The following PCLO variants were observed in gnomAD, a reference collection of about 807,000 sequenced individuals.
The protein encoded by PCLO is protein piccolo.
Under a neutral mutation model 427.5 loss-of-function variants are expected in PCLO, and 82 were observed. The ratio of observed to expected loss-of-function variants is 0.19; its 90% CI spans 0.16 to 0.23. PCLO has a LOEUF of 0.23. Among genes scored for constraint, PCLO ranks in the 10% least tolerant of loss-of-function variants. The pLI is 1.00. For missense variants in PCLO, 6,239 were observed against 6,115.9 expected (o/e 1.02, Z -0.67); for synonymous variants, 2,357 against 2,155.4 (o/e 1.09, Z -2.59).
At chr7:82,829,171 G>T (rs1469883971) in intron 16 of PCLO, among the ~76,000 whole-genome samples, 1 of 152,076 alleles carries the variant, frequency 6.6e-6, no homozygotes, top group African/African-American at 2.4e-5. Context: ...GGGCCTGCAG[G>T]CAAGTACTTT....
intron 3 of PCLO, among the ~76,000 whole-genome samples, chr7:82,972,210 G>A (rs774827238): frequency 6.6e-6 from 1 of 151,828 alleles, no homozygotes; most frequent in Non-Finnish European, 1.5e-5. Context: ...ATCAATTCAC[G>A]AGAGCTTGTT....
chr7:82,916,007 C>T lies in PCLO; in HGVS notation c.11979G>A (p.Thr3993=), dbSNP rs376827834. 8.6e-5 allele frequency: 139 copies of T among 1,612,502 alleles called. No homozygotes were observed. The highest frequency in any genetic ancestry group is 1.1e-4 in the Non-Finnish European group (135 of 1,179,766). ...NQPLMIAPVS[T]DNTFAVSHLG... ...GATGGGAAACAGCAAATGTGTTATC[C>T]GTAGAAACAGGTGCTATCATAAGGG... Residue 3993 remains threonine (T), a synonymous_variant, in exon 7 of 25, where the codon ACG becomes ACA. Transcript: ENST00000333891.
chr7:82,828,356 G>A (rs1792005291), intron 16 of PCLO, among the ~76,000 whole-genome samples: 1 of 151,974 alleles, frequency 6.6e-6, no homozygotes, highest in African/African-American at 2.4e-5. Context: ...ATACGGAAAA[G>A]CAAAACTAAA....
chr7:82,958,527 A>G (rs1795583914), intron 4 of PCLO, among the ~76,000 whole-genome samples: 1 of 152,208 alleles, frequency 6.6e-6, no homozygotes, highest in South Asian at 2.1e-4. Flanking sequence ...TCCTGAGCAT[A>G]TTACAGGGTA....
At chr7:82,850,034 G>C (rs146932815) in intron 10 of PCLO, among the ~76,000 whole-genome samples, 1 of 151,690 alleles carries the variant, frequency 6.6e-6, no homozygotes, top group Admixed American at 6.6e-5. Context: ...TTTGAGACAG[G>C]GTCTTGCACT....
At chr7:83,135,797 T>C (rs1309919219) in intron 2 of PCLO, 141 bp from the exon 3 acceptor site, 4 of 568,658 alleles carry the variant, frequency 7.0e-6, no homozygotes, top group Non-Finnish European at 1.2e-5. Flanking sequence ...TTTAATAAAT[T>C]GATATTAAAA....
At chr7:82,993,583 T>TA (rs1362931563) in intron 3 of PCLO, among the ~76,000 whole-genome samples, 1 of 151,896 alleles carries the variant, frequency 6.6e-6, no homozygotes, top group African/African-American at 2.4e-5. Context: ...TTTTTAGCAA[T>TA]AACGTCTTTT....
intron 8 of PCLO, among the ~76,000 whole-genome samples, chr7:82,906,003 G>GCA (rs1197171123): frequency 1.6e-5 from 2 of 127,492 alleles, no homozygotes; most frequent in Admixed American, 8.4e-5. Flanking sequence ...CAGAGGTTAA[G>GCA]CATATAGATA....
At chr7:83,154,673 T>G in intron 2 of PCLO, 75 bp downstream of exon 2, 1 of 1,043,582 alleles carries the variant, frequency 9.6e-7, no homozygotes, top group Non-Finnish European at 1.5e-6. Flanking sequence ...GTCATATATG[T>G]GTTTAGTTAA....
chr7:82,974,818 G>A (rs1795981399), intron 3 of PCLO, among the ~76,000 whole-genome samples: 1 of 151,718 alleles, frequency 6.6e-6, no homozygotes, highest in Admixed American at 6.6e-5. Flanking sequence ...TTGCTCTGTT[G>A]CCCAGGCTGG....
chr7:83,075,376 C>A (rs1439177056), intron 3 of PCLO, among the ~76,000 whole-genome samples: 1 of 152,100 alleles, frequency 6.6e-6, no homozygotes, highest in Non-Finnish European at 1.5e-5. Flanking sequence ...AGGCCTTGCT[C>A]AATTATAACA....
intron 3 of PCLO, among the ~76,000 whole-genome samples, chr7:83,051,023 T>C (rs1789240968): frequency 3.9e-5 from 6 of 152,076 alleles, no homozygotes; most frequent in Admixed American, 3.9e-4. Context: ...CAATCCGTGA[T>C]ACAAAACTCT....
At chr7:82,828,182 A>AC (rs1791996638) in intron 16 of PCLO, among the ~76,000 whole-genome samples, 1 of 151,056 alleles carries the variant, frequency 6.6e-6, no homozygotes, top group Non-Finnish European at 1.5e-5. Context: ...TGCCCTTATG[A>AC]TTTTTTTTTA....
chr7:82,887,416 T>C (rs1413573372), intron 9 of PCLO, among the ~76,000 whole-genome samples: 1 of 152,208 alleles, frequency 6.6e-6, no homozygotes, highest in Non-Finnish European at 1.5e-5. Context: ...TTTACATTTG[T>C]ATGCTTATGT....
chr7:82,967,412 TG>T (rs1795804598), intron 3 of PCLO, among the ~76,000 whole-genome samples: 1 of 152,008 alleles, frequency 6.6e-6, no homozygotes, highest in African/African-American at 2.4e-5. Flanking sequence ...CGACCTCAGG[TG>T]ATCCGCCCAC....
At chr7:82,979,324 AT>A (rs1414333719) in intron 3 of PCLO, among the ~76,000 whole-genome samples, 1 of 152,180 alleles carries the variant, frequency 6.6e-6, no homozygotes, top group Non-Finnish European at 1.5e-5. Flanking sequence ...ATGTCGTTAA[AT>A]TTGAAAACAT....
At chr7:83,063,547 A>G (rs1226230797) in intron 3 of PCLO, among the ~76,000 whole-genome samples, 2 of 152,226 alleles carry the variant, frequency 1.3e-5, no homozygotes, top group East Asian at 1.9e-4. Flanking sequence ...ATTTTGCCCA[A>G]TTCTAGGCTG....
intron 3 of PCLO, among the ~76,000 whole-genome samples, chr7:83,005,438 G>T (rs1041167543): frequency 6.6e-6 from 1 of 151,526 alleles, no homozygotes; most frequent in African/African-American, 2.4e-5. Context: ...GGGAGAGGTT[G>T]GTCAAAGGGT....
Position 82,953,241 on chromosome 7 carries a change from C to T in PCLO, c.7712G>A (p.Arg2571Lys), listed in dbSNP as rs1320551882. 6.2e-7 allele frequency: 1 copy of T among 1,613,862 alleles called. No homozygotes were observed. Among genetic ancestry groups the T allele is most frequent in the South Asian group, 1.1e-5 (1 of 91,072 alleles). ...AGTTTCTGTGAGGGATTTGGAAAATCTTGGTGAAGACTTGTTGGAGTGTGG... is the reference window on the plus strand; with the variant it reads ...AGTTTCTGTGAGGGATTTGGAAAATTTTGGTGAAGACTTGTTGGAGTGTGG... ...LSPHSNKSSP[R>K]FSKSLTETYV... Residue 2571 changes from arginine (R) to lysine (K), a missense_variant, in exon 5 of 25, where the codon AGA becomes AAA. Coordinates refer to ENST00000333891, the MANE Select transcript of PCLO (RefSeq NM_033026.6).
Sources: gnomAD v4.1 joint callset for allele counts (sites outside exome capture counted in the v4.1 genomes callset) on GRCh38, gnomAD v4.1.1 for gene constraint, MANE v1.5 for transcripts, NCBI Gene and HGNC (gene_info 2026-07-23, HGNC 2026-07-21) for gene names.